Variants in UBE2G2 observed in about 807,000 individuals in gnomAD.
UBE2G2 encodes the protein ubiquitin conjugating enzyme E2 G2.
UBE2G2 carries 10 observed loss-of-function variants against 23.0 expected under a neutral mutation model. The observed-to-expected ratio is 0.43, with a 90% CI of 0.27 to 0.74. UBE2G2 has a LOEUF of 0.74. Ranked by LOEUF, UBE2G2 falls within the 30% of genes least tolerant of loss-of-function variation. The probability of loss-of-function intolerance (pLI) is 0.19; values close to 1 mark genes in which losing one functional copy is unlikely to be tolerated. For missense variants in UBE2G2, 150 were observed against 218.3 expected (o/e 0.69, Z 1.97); for synonymous variants, 86 against 81.3 (o/e 1.06, Z -0.31).
intron 1 of UBE2G2, among the ~76,000 whole-genome samples, chr21:44,796,671 T>C (rs147425482): frequency 3.9e-5 from 6 of 152,342 alleles, no homozygotes; most frequent in Non-Finnish European, 8.8e-5. Context: ...TTTAAAACAA[T>C]ACTCATTGAT....
intron 3 of UBE2G2, among the ~76,000 whole-genome samples, chr21:44,779,371 TGG>T (rs375243003): frequency 1.3e-5 from 1 of 75,430 alleles, no homozygotes; most frequent in Non-Finnish European, 2.6e-5. Flanking sequence ...GGAGCTGGGG[TGG>T]GGGGGGGGTA....
rs145525523 is a variant in UBE2G2, at chr21:44,785,068, G to A, written c.125+2852C>T. Among the ~76,000 whole-genome samples, 582 of 152,284 alleles carry A rather than the reference G, an allele frequency of 3.8e-3. 5 individuals carry two copies. Among genetic ancestry groups the A allele is most frequent in the African/African-American group, 0.013 (526 of 41,542 alleles). On this transcript the variant is annotated intron_variant, in intron 3 of 5. Transcript: ENST00000345496. The stretch of plus-strand genomic sequence containing the variant: ...CGTGGCTTAGTGGCAATGGGGTCAC[G>A]GGCCATGGACCCTAGAGCTGGGCAA...
At position 44,801,780 on chromosome 21, in the gene UBE2G2, C is replaced by T. The variant is rs1555964922; in HGVS notation, c.-32G>A. 3 of 1,507,152 alleles carry T rather than the reference C, an allele frequency of 2.0e-6. No homozygotes were observed. Among genetic ancestry groups the T allele is most frequent in the African/African-American group, 2.9e-5 (2 of 68,820 alleles). 93.4% of individuals were successfully genotyped at this position (1,507,152 alleles called of 1,614,324 possible). ...GCAACAGCTGCGCCGAGCGACCTCG[C>T]CTCAGCCGCGCGCGTGCCTCCTGCC... On this transcript the variant is annotated 5_prime_UTR_variant, in exon 1 of 6. Transcript: ENST00000345496.
intron 3 of UBE2G2, among the ~76,000 whole-genome samples, chr21:44,780,255 C>T (rs1555961155): frequency 1.3e-5 from 2 of 152,228 alleles, no homozygotes; most frequent in African/African-American, 2.4e-5. Flanking sequence ...GGCGCCCAGA[C>T]AGGAGGGCAG....
chr21:44,771,325 G>C lies in UBE2G2; in HGVS notation c.*52C>G, dbSNP rs2082872270. On this transcript the variant is annotated 3_prime_UTR_variant, in exon 6 of 6. Transcript: ENST00000345496. This position sits in a 1 kb window ranked among gnomAD's most constrained non-coding sequence, Gnocchi z 4.6. The stretch of plus-strand genomic sequence containing the variant: ...CATCACTGTCACTAAGTGTGCCGGG[G>C]GAGAATGCTGAGCTGCTTGGCGGTG... The C allele has an allele frequency of 6.5e-7, 1 of 1,533,636 alleles. No homozygotes were observed. Among genetic ancestry groups the C allele is most frequent in the Non-Finnish European group, 9.0e-7 (1 of 1,112,348 alleles).
chr21:44,776,317 C>T (rs782030272), intron 4 of UBE2G2, among the ~76,000 whole-genome samples: 1 of 150,354 alleles, frequency 6.7e-6, no homozygotes, highest in Admixed American at 6.6e-5. Context: ...AATTTTAGGG[C>T]AAAAAAAGAT....
chr21:44,785,585 C>G (rs2082990192), intron 3 of UBE2G2: 3 of 152,202 alleles, frequency 2.0e-5, no homozygotes, highest in Non-Finnish European at 4.4e-5. Context: ...GTGAGGCAAG[C>G]ACGGGTTTTA....
intron 1 of UBE2G2, among the ~76,000 whole-genome samples, chr21:44,791,171 A>G (rs1025203611): frequency 1.1e-4 from 16 of 152,222 alleles, no homozygotes; most frequent in African/African-American, 3.1e-4. Flanking sequence ...GCAGGGAATA[A>G]AAGTTTGAAA....
chr21:44,786,298 G>T (rs541133609), intron 3 of UBE2G2, among the ~76,000 whole-genome samples: 5 of 152,146 alleles, frequency 3.3e-5, no homozygotes, highest in African/African-American at 1.2e-4. Context: ...GTATACAGCC[G>T]CACAGTCCAC....
chr21:44,794,846 TTA>T (rs1173358964), intron 1 of UBE2G2, among the ~76,000 whole-genome samples: 1 of 152,134 alleles, frequency 6.6e-6, no homozygotes, highest in Non-Finnish European at 1.5e-5. Flanking sequence ...GAACTAAAAC[TTA>T]AGAAAATCAA....
chr21:44,788,284 TTTGTTTTTTTTTTG>T (rs2083013829), intron 1 of UBE2G2, among the ~76,000 whole-genome samples, 189 bp from the exon 2 acceptor site: 1 of 124,878 alleles, frequency 8.0e-6, no homozygotes, highest in African/African-American at 2.8e-5. Flanking sequence ...ACAAAGTTTT[TTTGTTTTTTTTTTG>T]TTTTTTTTTG....
intron 1 of UBE2G2, among the ~76,000 whole-genome samples, chr21:44,795,596 C>A (rs1171516264): frequency 1.3e-5 from 2 of 151,436 alleles, no homozygotes; most frequent in African/African-American, 2.4e-5. Context: ...TACACCACTG[C>A]ACTCTAGCCC....
At chr21:44,795,891 G>T (rs148655631) in intron 1 of UBE2G2, among the ~76,000 whole-genome samples, 1 of 152,276 alleles carries the variant, frequency 6.6e-6, no homozygotes, top group Non-Finnish European at 1.5e-5. Flanking sequence ...AGATGGCCAT[G>T]CGAAGATGGA....
At chr21:44,796,020 G>A (rs1271115386) in intron 1 of UBE2G2, among the ~76,000 whole-genome samples, 2 of 152,162 alleles carry the variant, frequency 1.3e-5, no homozygotes, top group Non-Finnish European at 2.9e-5. Context: ...GCCCTCAAGA[G>A]GAAGAATGAC....
chr21:44,793,027 CTCT>C (rs1239155704), intron 1 of UBE2G2, among the ~76,000 whole-genome samples: 2 of 152,260 alleles, frequency 1.3e-5, no homozygotes, highest in Non-Finnish European at 1.5e-5. Flanking sequence ...CCCTTTGTGT[CTCT>C]TCATGTGGAG....
chr21:44,779,446 G>A (rs1349540464), intron 3 of UBE2G2, among the ~76,000 whole-genome samples: 4 of 151,882 alleles, frequency 2.6e-5, no homozygotes, highest in African/African-American at 7.3e-5. Flanking sequence ...AGGGAGGCAC[G>A]AGCATGAGCT....
intron 4 of UBE2G2, chr21:44,774,666 A>G: frequency 2.2e-6 from 1 of 455,284 alleles, no homozygotes; most frequent in Non-Finnish European, 4.4e-6. Context: ...CTATCCAGGA[A>G]CTGAACCACA....
rs1023689503 is a variant in UBE2G2, at chr21:44,771,975, A to G, written c.386-486T>C. 2.0e-5 allele frequency among the ~76,000 whole-genome samples: 3 copies of G among 152,124 alleles called. No homozygotes were observed. Among genetic ancestry groups the G allele is most frequent in the Admixed American group, 6.5e-5 (1 of 15,272 alleles). On this transcript the variant is annotated intron_variant, in intron 5 of 5. Coordinates refer to ENST00000345496, the MANE Select transcript of UBE2G2 (RefSeq NM_003343.6). The surrounding 1 kb of genome is among the most constrained non-coding windows in gnomAD (Gnocchi z 4.6). ...CCCAAGCAAATGTGCAGCCTAAGGTAGACACCTGACCCCAGGATACCTGAC... is the reference window on the plus strand; with the variant it reads ...CCCAAGCAAATGTGCAGCCTAAGGTGGACACCTGACCCCAGGATACCTGAC...
rs538508051 is a variant in UBE2G2, at chr21:44,769,486, T to C, written c.*1891A>G. The C allele has an allele frequency of 4.0e-5, 6 of 150,630 alleles. No individual in the cohort carries two copies. Among genetic ancestry groups the C allele is most frequent in the African/African-American group, 1.2e-4 (5 of 40,904 alleles). The allele number at this position is 150,630 out of a possible 1,614,324, so 9.3% of individuals were successfully genotyped here. ...AGCTCCGCCTCCTGGGTTCACGCCA[T>C]TCTCCTGCCTCAGTCTTCAGAGTAG... On this transcript the variant is annotated 3_prime_UTR_variant, in exon 6 of 6. Coordinates refer to ENST00000345496, the MANE Select transcript of UBE2G2 (RefSeq NM_003343.6).
Sources: allele counts gnomAD v4.1 joint callset (sites outside exome capture counted in the v4.1 genomes callset), GRCh38; gene constraint gnomAD v4.1.1; non-coding constraint Gnocchi (gnomAD v3.1); transcripts MANE v1.5; gene names NCBI Gene and HGNC (gene_info 2026-07-23, HGNC 2026-07-21).